The following WDPCP variants were observed in gnomAD, a reference collection of about 807,000 sequenced individuals.
The protein encoded by WDPCP is WD repeat containing planar cell polarity effector.
Under a neutral mutation model 93.1 loss-of-function variants are expected in WDPCP, and 71 were observed. The observed-to-expected ratio is 0.76, with a 90% confidence interval of 0.63 to 0.93. The LOEUF (loss-of-function observed/expected upper bound fraction) is 0.93, where lower values mean the gene tolerates loss of function less well. WDPCP is among the 40% of genes least tolerant of loss of function. The pLI, the probability that WDPCP is intolerant of heterozygous loss-of-function variation, is 0.00. For missense variants in WDPCP, 844 were observed against 887.4 expected (o/e 0.95, Z 0.62); for synonymous variants, 315 against 315.0 (o/e 1.00, Z 0.00).
rs754322425 is a variant in WDPCP at position 63,153,577 on chromosome 2, G to A, written c.2079-3C>T. On this transcript the variant is annotated splice_region_variant and splice_polypyrimidine_tract_variant and intron_variant, in intron 15 of 17. Transcript: ENST00000272321. ...CATTCCTTCTGTCAATTATTTGTCT[G>A]CAGTATATGGGTGTTTTTAATTGGA... The A allele has an allele frequency of 5.0e-6, 8 of 1,610,356 alleles. No individual in the cohort carries two copies. Among genetic ancestry groups the A allele is most frequent in the Admixed American group, 1.7e-5 (1 of 59,864 alleles).
Position 63,475,981 on chromosome 2 carries a change from A to G in WDPCP, c.384+8623T>C, listed in dbSNP as rs189294253. On this transcript the variant is annotated intron_variant, in intron 6 of 17. Coordinates refer to ENST00000272321, the MANE Select transcript of WDPCP (RefSeq NM_015910.7). The stretch of plus-strand genomic sequence containing the variant: ...TCACTGCGGTTCCATACTTCCAATA[A>G]TATCATCATTTGATTACCTCTGGTC... 7.9e-5 allele frequency among the ~76,000 whole-genome samples: 12 copies of G among 152,158 alleles called. No individual in the cohort carries two copies. In the East Asian group the frequency reaches 2.3e-3, roughly 29 times the overall value.
intron 10 of WDPCP, 115 bp downstream of exon 10, chr2:63,403,933 A>G: frequency 1.4e-6 from 2 of 1,429,216 alleles, no homozygotes; most frequent in East Asian, 4.7e-5. Context: ...AAAGGCAAAC[A>G]TATTTATGGG....
At chr2:63,247,111 G>A (rs1680341655) in intron 14 of WDPCP, among the ~76,000 whole-genome samples, 1 of 152,152 alleles carries the variant, frequency 6.6e-6, no homozygotes. Flanking sequence ...ACTTCAAAAT[G>A]CCATCGAACA....
chr2:63,481,334 G>C (rs1700254705), intron 6 of WDPCP, among the ~76,000 whole-genome samples: 1 of 152,064 alleles, frequency 6.6e-6, no homozygotes. Context: ...ACAGTGTGGA[G>C]ATTCCTTAAA....
chr2:63,579,328 G>T (rs1708334366), intron 1 of WDPCP, among the ~76,000 whole-genome samples: 1 of 152,166 alleles, frequency 6.6e-6, no homozygotes, highest in South Asian at 2.1e-4. Flanking sequence ...GTCATCAACT[G>T]GTTGGGCACA....
chr2:63,785,557 G>A (rs1267945438), intron 2 of WDPCP, among the ~76,000 whole-genome samples: 1 of 151,972 alleles, frequency 6.6e-6, no homozygotes, highest in African/African-American at 2.4e-5. Context: ...TCCCTAGAGG[G>A]CCATATTTTA....
chr2:63,348,872 G>C (rs969036591), intron 12 of WDPCP, among the ~76,000 whole-genome samples: 2 of 152,188 alleles, frequency 1.3e-5, no homozygotes, highest in African/African-American at 4.8e-5. Flanking sequence ...TAACAAGTGG[G>C]AACATATTCT....
intron 1 of WDPCP, among the ~76,000 whole-genome samples, chr2:63,575,727 GAC>G (rs1486773732): frequency 3.3e-5 from 5 of 150,668 alleles, no homozygotes; most frequent in South Asian, 4.2e-4. Context: ...ATGATATAGA[GAC>G]ACATATAAAG....
intron 15 of WDPCP, among the ~76,000 whole-genome samples, chr2:63,171,283 A>G (rs1042737159): frequency 6.6e-6 from 1 of 152,248 alleles, no homozygotes; most frequent in African/African-American, 2.4e-5. Context: ...ACAGACGGAG[A>G]AAATACTTGC....
chr2:63,220,136 T>A (rs2104474601), intron 14 of WDPCP, among the ~76,000 whole-genome samples: 2 of 152,330 alleles, frequency 1.3e-5, no homozygotes, highest in South Asian at 4.1e-4. Context: ...AAGGCATAGA[T>A]TTGGGTAGCT....
intron 14 of WDPCP, among the ~76,000 whole-genome samples, chr2:63,256,998 A>G (rs1010942893): frequency 6.6e-6 from 1 of 152,122 alleles, no homozygotes. Context: ...GTTTACAAGG[A>G]TGTGTTCACT....
At chr2:63,228,193 T>C (rs1309752227) in intron 14 of WDPCP, among the ~76,000 whole-genome samples, 1 of 151,982 alleles carries the variant, frequency 6.6e-6, no homozygotes, top group Non-Finnish European at 1.5e-5. Flanking sequence ...TTTTAAAAGA[T>C]TCAAAGGCTC....
chr2:63,730,174 G>A (rs1669540961), intron 2 of WDPCP, among the ~76,000 whole-genome samples: 1 of 152,068 alleles, frequency 6.6e-6, no homozygotes, highest in African/African-American at 2.4e-5. Flanking sequence ...TCTTCACAAG[G>A]ACCTTAGGAA....
At chr2:63,174,531 A>G in intron 15 of WDPCP, 139 bp downstream of exon 15, 1 of 1,028,732 alleles carries the variant, frequency 9.7e-7, no homozygotes, top group Non-Finnish European at 1.5e-6. Context: ...TAACCAAACT[A>G]CTGCAAAGTC....
At chr2:63,549,499 T>C (rs1705409901) in intron 1 of WDPCP, among the ~76,000 whole-genome samples, 1 of 152,166 alleles carries the variant, frequency 6.6e-6, no homozygotes, top group Non-Finnish European at 1.5e-5. Context: ...CAAAGCGCGG[T>C]GGCTCACGCC....
chr2:63,503,077 T>C lies in WDPCP; in HGVS notation c.76-10137A>G, dbSNP rs116608734. Among the ~76,000 whole-genome samples the C allele has an allele frequency of 5.6e-3, 859 of 152,350 alleles. 7 individuals carry two copies. The highest frequency in any genetic ancestry group is 0.02 in the African/African-American group (841 of 41,578). ...GTGGCAAAAATCTTTTAAAATCTTT[T>C]GTTTTAGTTAAATTTGGAAAATATT... On this transcript the variant is annotated intron_variant, in intron 1 of 17. Transcript: ENST00000272321.
At chr2:63,392,803 T>C (rs1008949310) in intron 10 of WDPCP, among the ~76,000 whole-genome samples, 8 of 152,160 alleles carry the variant, frequency 5.3e-5, no homozygotes, top group Admixed American at 2.0e-4. Flanking sequence ...TCATCACTGG[T>C]CATCAGAGAA....
At chr2:63,710,155 C>G (rs1669239189) in intron 2 of WDPCP, among the ~76,000 whole-genome samples, 1 of 152,190 alleles carries the variant, frequency 6.6e-6, no homozygotes, top group South Asian at 2.1e-4. Context: ...TCAACAAGCA[C>G]CTTTGCCTTC....
chr2:63,144,972 C>A (rs113172004), intron 17 of WDPCP, among the ~76,000 whole-genome samples: 1 of 152,186 alleles, frequency 6.6e-6, no homozygotes, highest in East Asian at 1.9e-4. Context: ...TACTCTCCCC[C>A]TTTTCCTATG....
Sources: allele counts gnomAD v4.1 joint callset (sites outside exome capture counted in the v4.1 genomes callset), GRCh38; gene constraint gnomAD v4.1.1; transcripts MANE v1.5; gene names NCBI Gene and HGNC (gene_info 2026-07-23, HGNC 2026-07-21).